MYT1L: variants seen among roughly 807,000 people sequenced by gnomAD.
MYT1L encodes myelin transcription factor 1-like protein.
A neutral mutation model predicts 126.7 loss-of-function variants in MYT1L; 12 were observed. That is an observed-to-expected ratio of 0.09 (90% CI 0.06 to 0.15). The LOEUF is 0.15. Ranked by LOEUF, MYT1L falls within the 10% of genes least tolerant of loss-of-function variation. MYT1L has a pLI of 1.00. For synonymous variants in MYT1L, 541 were observed against 604.2 expected (o/e 0.90, Z 1.53); for missense variants, 979 against 1,585.2 (o/e 0.62, Z 6.49).
chr2:2,260,671 A>G (rs909900159), intron 2 of MYT1L, among the ~76,000 whole-genome samples: 3 of 150,394 alleles, frequency 2.0e-5, no homozygotes, highest in African/African-American at 7.4e-5. Flanking sequence ...TTTTTTTGTT[A>G]TATTATACTG....
intron 13 of MYT1L, among the ~76,000 whole-genome samples, chr2:1,906,175 G>A (rs1351562801): frequency 3.3e-5 from 5 of 152,066 alleles, no homozygotes; most frequent in African/African-American, 1.2e-4. Context: ...TAAGGTTTTG[G>A]TGTATTTTTT....
chr2:2,174,541 C>T (rs113796021), intron 2 of MYT1L, among the ~76,000 whole-genome samples: 13 of 152,288 alleles, frequency 8.5e-5, no homozygotes, highest in African/African-American at 2.9e-4. Context: ...GAGACAGAGA[C>T]AGACGTGACA....
chr2:2,313,115 T>A (rs2096002746), intron 1 of MYT1L, among the ~76,000 whole-genome samples: 1 of 152,216 alleles, frequency 6.6e-6, no homozygotes, highest in African/African-American at 2.4e-5. Flanking sequence ...GAAGGATTCA[T>A]ATCGTGTATT....
intron 2 of MYT1L, among the ~76,000 whole-genome samples, chr2:2,231,347 C>A (rs2094156125): frequency 6.6e-6 from 1 of 152,218 alleles, no homozygotes; most frequent in Non-Finnish European, 1.5e-5. Context: ...TGCAGTCTGT[C>A]TATTACTAAT....
At chr2:2,182,651 C>T (rs561132458) in intron 2 of MYT1L, among the ~76,000 whole-genome samples, 8 of 152,276 alleles carry the variant, frequency 5.3e-5, no homozygotes, top group Non-Finnish European at 8.8e-5. Flanking sequence ...GCACAGCATG[C>T]GCTTTGCAGC....
intron 3 of MYT1L, among the ~76,000 whole-genome samples, chr2:2,113,139 T>G (rs1217188802): frequency 6.6e-6 from 1 of 152,078 alleles, no homozygotes; most frequent in East Asian, 1.9e-4. Flanking sequence ...ACCTCCTGAG[T>G]TGGGAACTAA....
intron 2 of MYT1L, among the ~76,000 whole-genome samples, chr2:2,251,445 C>T (rs1250397601): frequency 3.3e-5 from 5 of 152,182 alleles, no homozygotes; most frequent in African/African-American, 9.7e-5. Context: ...GCCCACGCCA[C>T]GCTTCCAGGT....
chr2:1,911,887 T>G, intron 12 of MYT1L, 133 bp downstream of exon 12: 6 of 566,360 alleles, frequency 1.1e-5, no homozygotes, highest in Non-Finnish European at 1.2e-5. Flanking sequence ...CTCCCGTGCA[T>G]TATATGGAGG....
intron 21 of MYT1L, among the ~76,000 whole-genome samples, chr2:1,814,236 C>T (rs1479561853): frequency 6.6e-6 from 1 of 152,056 alleles, no homozygotes; most frequent in Non-Finnish European, 1.5e-5. Flanking sequence ...TTTGCTGTCC[C>T]GCCCTGTCCC....
chr2:1,802,473 G>C (rs1057066411), intron 22 of MYT1L, among the ~76,000 whole-genome samples: 3 of 152,208 alleles, frequency 2.0e-5, no homozygotes, highest in African/African-American at 7.2e-5. Flanking sequence ...ATCTCATTCT[G>C]AATGATTAAA....
At chr2:2,127,286 C>G (rs1165209061) in intron 3 of MYT1L, among the ~76,000 whole-genome samples, 1 of 152,180 alleles carries the variant, frequency 6.6e-6, no homozygotes, top group Non-Finnish European at 1.5e-5. Flanking sequence ...GCTGCAGGTA[C>G]ACGTGTGCAA....
At chr2:2,041,080 T>G (rs2067475793) in intron 4 of MYT1L, among the ~76,000 whole-genome samples, 1 of 152,244 alleles carries the variant, frequency 6.6e-6, no homozygotes, top group South Asian at 2.1e-4. Context: ...GCAAACTACC[T>G]GACATTTTAT....
intron 3 of MYT1L, among the ~76,000 whole-genome samples, chr2:2,115,611 T>C (rs905268342): frequency 6.6e-6 from 1 of 152,266 alleles, no homozygotes; most frequent in African/African-American, 2.4e-5. Context: ...GTTTGTGGTG[T>C]GTCTAGCACG....
intron 21 of MYT1L, among the ~76,000 whole-genome samples, chr2:1,835,517 C>T (rs548100394): frequency 1.7e-4 from 26 of 152,260 alleles, no homozygotes; most frequent in Non-Finnish European, 3.4e-4. Flanking sequence ...GAACCATACA[C>T]CTGAAGATGG....
At chr2:2,226,474 C>T (rs530471302) in intron 2 of MYT1L, among the ~76,000 whole-genome samples, 170 of 152,262 alleles carry the variant, frequency 1.1e-3, no homozygotes, top group African/African-American at 3.7e-3. Context: ...TCCTGGATCC[C>T]GTCCACCCTG....
At chr2:2,138,099 T>C (rs539175789) in intron 3 of MYT1L, among the ~76,000 whole-genome samples, 3 of 152,316 alleles carry the variant, frequency 2.0e-5, no homozygotes, top group Admixed American at 6.5e-5. Flanking sequence ...ATGCTCACCA[T>C]CACTGTCCAT....
chr2:1,821,170 A>G (rs1427513816), intron 21 of MYT1L, among the ~76,000 whole-genome samples: 1 of 152,126 alleles, frequency 6.6e-6, no homozygotes, highest in Non-Finnish European at 1.5e-5. Context: ...CGAGGCCTTT[A>G]TATCTGAAAA....
chr2:1,959,350 G>A (rs930310801), intron 8 of MYT1L, among the ~76,000 whole-genome samples: 1 of 151,956 alleles, frequency 6.6e-6, no homozygotes, highest in Non-Finnish European at 1.5e-5. Context: ...CCTGGAGAGC[G>A]GAGACAGGCC....
chr2:1,930,757 T>C (rs1244096815), intron 9 of MYT1L, among the ~76,000 whole-genome samples: 2 of 152,194 alleles, frequency 1.3e-5, no homozygotes, highest in Non-Finnish European at 2.9e-5. Flanking sequence ...TATAAAAATA[T>C]TTAGGATTGA....
Sources: gnomAD v4.1 joint callset for allele counts (sites outside exome capture counted in the v4.1 genomes callset) on GRCh38, gnomAD v4.1.1 for gene constraint, MANE v1.5 for transcripts, NCBI Gene and HGNC (gene_info 2026-07-23, HGNC 2026-07-21) for gene names.